The following PTPRG variants were observed in gnomAD, a reference collection of about 807,000 sequenced individuals.
The protein encoded by PTPRG is protein tyrosine phosphatase receptor type G, also known as receptor-type tyrosine-protein phosphatase gamma.
A neutral mutation model predicts 165.3 loss-of-function variants in PTPRG; 102 were observed. The observed-to-expected ratio is 0.62, with a 90% CI of 0.53 to 0.73. The LOEUF (loss-of-function observed/expected upper bound fraction) is 0.73. Among genes scored for constraint, PTPRG ranks in the 30% least tolerant of loss-of-function variants. The pLI, the probability that PTPRG is intolerant of heterozygous loss-of-function variation, is 0.00. For synonymous variants in PTPRG, 675 were observed against 669.5 expected (o/e 1.01, Z -0.13); for missense variants, 1,866 against 1,861.4 (o/e 1.00, Z -0.05).
intron 11 of PTPRG, 23 bp downstream of exon 11, chr3:62,201,577 C>T: frequency 6.2e-7 from 1 of 1,606,228 alleles, no homozygotes; most frequent in Non-Finnish European, 8.5e-7. Flanking sequence ...TGGGAAATTG[C>T]TTTGTCGTGG....
At chr3:61,919,941 G>C (rs990901934) in intron 2 of PTPRG, among the ~76,000 whole-genome samples, 3 of 152,124 alleles carry the variant, frequency 2.0e-5, no homozygotes, top group African/African-American at 7.2e-5. Context: ...AATCCTATTG[G>C]TTACCCAAGA....
In PTPRG at chr3:62,273,136, A is replaced by G. The variant is rs1309204398; in HGVS notation, c.3318+55A>G. ...CATTCTGGCAAATGCTGTAACTGAA[A>G]TTTGTTAAATGATAATGAAGAGACA... On this transcript the variant is annotated intron_variant, in intron 22 of 29. Coordinates refer to ENST00000474889, the MANE Select transcript of PTPRG (RefSeq NM_002841.4). This position sits in a 1 kb window ranked among gnomAD's most constrained non-coding sequence, Gnocchi z 4.1. The G allele has an allele frequency of 2.0e-6, 3 of 1,529,516 alleles. No individual in the cohort carries two copies. The African/African-American group carries it at 4.2e-5, about 21-fold the overall frequency. 94.7% of individuals were successfully genotyped at this position (1,529,516 alleles called of 1,614,324 possible).
At chr3:61,710,634 T>C (rs528716205) in intron 1 of PTPRG, among the ~76,000 whole-genome samples, 196 of 152,190 alleles carry the variant, frequency 1.3e-3, no homozygotes, top group Non-Finnish European at 2.3e-3. Context: ...TTAAAGCTCA[T>C]TAGCTATTGT....
intron 1 of PTPRG, 25 bp from the exon 2 acceptor site, chr3:61,748,853 C>T: frequency 6.3e-7 from 1 of 1,596,046 alleles, no homozygotes; most frequent in Non-Finnish European, 8.6e-7. Flanking sequence ...GCCTTTGTCT[C>T]ATTGTGGGTT....
chr3:62,293,377 C>A lies in PTPRG; in HGVS notation c.*70C>A. On this transcript the variant is annotated 3_prime_UTR_variant, in exon 30 of 30. Transcript: ENST00000474889. Reference sequence around the variant, plus strand: ...GAGAACTTTTTTGAGGCCTTTTTTGCCAGACTCTAGGTTATACAATAACCC... The same window carrying A: ...GAGAACTTTTTTGAGGCCTTTTTTGACAGACTCTAGGTTATACAATAACCC... 7.4e-7 allele frequency: 1 copy of A among 1,349,284 alleles called. No individual in the cohort carries two copies. Among genetic ancestry groups the A allele is most frequent in the Non-Finnish European group, 9.9e-7 (1 of 1,010,666 alleles). The allele number at this position is 1,349,284 out of a possible 1,614,324, so 83.6% of individuals were successfully genotyped here.
chr3:62,024,077 T>C (rs2041756171), intron 4 of PTPRG, among the ~76,000 whole-genome samples: 1 of 152,292 alleles, frequency 6.6e-6, no homozygotes, highest in African/African-American at 2.4e-5. Flanking sequence ...GTCTGTTTAG[T>C]GTAGTTTTCT....
chr3:61,958,953 CAG>C (rs1053682583), intron 2 of PTPRG, among the ~76,000 whole-genome samples: 5 of 152,294 alleles, frequency 3.3e-5, no homozygotes, highest in Admixed American at 1.3e-4. Flanking sequence ...AGCCAGGACT[CAG>C]TGGAGAGAGG....
Position 61,959,579 on chromosome 3 carries a change from T to C in PTPRG, c.191-30046T>C, listed in dbSNP as rs74524524. On this transcript the variant is annotated intron_variant, in intron 2 of 29. Coordinates refer to ENST00000474889, the MANE Select transcript of PTPRG (RefSeq NM_002841.4). Reference sequence around the variant, plus strand: ...TGCTGAGTGTCTTGGTTCCTAACACTAAGGGATGGGTTTGGAGGAGCAGAA... The same window carrying C: ...TGCTGAGTGTCTTGGTTCCTAACACCAAGGGATGGGTTTGGAGGAGCAGAA... Among the ~76,000 whole-genome samples, 171 of 152,304 alleles carry C rather than the reference T, an allele frequency of 1.1e-3. 5 individuals are homozygous for C. In the East Asian group the frequency reaches 0.028, roughly 25 times the overall value.
intron 1 of PTPRG, among the ~76,000 whole-genome samples, chr3:61,669,547 TAGAG>T (rs1702910557): frequency 6.6e-6 from 1 of 152,262 alleles, no homozygotes; most frequent in East Asian, 1.9e-4. Context: ...CCATTTCAGA[TAGAG>T]AGTTAATTGA....
chr3:62,100,097 G>A (rs1327382961), intron 5 of PTPRG, among the ~76,000 whole-genome samples: 2 of 152,078 alleles, frequency 1.3e-5, no homozygotes, highest in African/African-American at 4.8e-5. Flanking sequence ...TTTAGATGAG[G>A]AAACTGGAAT....
intron 2 of PTPRG, among the ~76,000 whole-genome samples, chr3:61,902,010 A>C (rs2038510879): frequency 6.6e-6 from 1 of 152,196 alleles, no homozygotes; most frequent in African/African-American, 2.4e-5. Context: ...GGTAATAAAG[A>C]GCATATTGGA....
At chr3:62,171,299 C>G (rs1705206919) in intron 8 of PTPRG, among the ~76,000 whole-genome samples, 1 of 152,138 alleles carries the variant, frequency 6.6e-6, no homozygotes, top group Non-Finnish European at 1.5e-5. Context: ...TCCTAGAGTA[C>G]ACATATTTTC....
In PTPRG at chr3:62,245,358, C is replaced by G. The variant is rs1701266548; in HGVS notation, c.2467+1460C>G. On this transcript the variant is annotated intron_variant, in intron 15 of 29. Coordinates refer to ENST00000474889, the MANE Select transcript of PTPRG (RefSeq NM_002841.4). The surrounding 1 kb of genome is among the most constrained non-coding windows in gnomAD (Gnocchi z 4.2). ...CAATAGCGTGCATATACTTTTTCCT[C>G]TTGCTTTACCTACAATATGTGTTGA... is the stretch of plus-strand genomic sequence containing the variant. 6.6e-6 allele frequency among the ~76,000 whole-genome samples: 1 copy of G among 152,174 alleles called. No individual in the cohort carries two copies. The highest frequency in any genetic ancestry group is 2.1e-4 in the South Asian group (1 of 4,828).
At chr3:61,571,173 A>G (rs2106772915) in intron 1 of PTPRG, among the ~76,000 whole-genome samples, 1 of 152,266 alleles carries the variant, frequency 6.6e-6, no homozygotes, top group East Asian at 1.9e-4. Flanking sequence ...TCATCCCTGG[A>G]AGTATGAACC....
intron 6 of PTPRG, among the ~76,000 whole-genome samples, chr3:62,150,012 T>C (rs1704270758): frequency 6.6e-6 from 1 of 152,218 alleles, no homozygotes; most frequent in South Asian, 2.1e-4. Flanking sequence ...TCTCCCCATG[T>C]AGCCATGTAG....
chr3:61,817,137 C>T (rs2035802490), intron 2 of PTPRG, among the ~76,000 whole-genome samples: 1 of 123,876 alleles, frequency 8.1e-6, no homozygotes, highest in African/African-American at 3.1e-5. Context: ...ACACATAATA[C>T]ATATATTACA....
At chr3:61,600,632 C>G (rs771224387) in intron 1 of PTPRG, among the ~76,000 whole-genome samples, 3 of 152,128 alleles carry the variant, frequency 2.0e-5, no homozygotes, top group Non-Finnish European at 2.9e-5. Flanking sequence ...CTTAATCTCT[C>G]AGGCTCAAGC....
intron 14 of PTPRG, among the ~76,000 whole-genome samples, chr3:62,238,723 G>C (rs531477602): frequency 6.6e-6 from 1 of 152,236 alleles, no homozygotes; most frequent in South Asian, 2.1e-4. Context: ...AAGCCAAAGA[G>C]CTATGCACTG....
chr3:62,151,597 CA>C (rs2106680202), intron 6 of PTPRG, among the ~76,000 whole-genome samples: 1 of 150,582 alleles, frequency 6.6e-6, no homozygotes, highest in South Asian at 2.1e-4. Context: ...ATACGAGATG[CA>C]TTTCTTTTCA....
Sources: gnomAD v4.1 joint callset for allele counts (sites outside exome capture counted in the v4.1 genomes callset) on GRCh38, gnomAD v4.1.1 for gene constraint, Gnocchi (gnomAD v3.1) non-coding constraint, MANE v1.5 for transcripts, NCBI Gene and HGNC (gene_info 2026-07-23, HGNC 2026-07-21) for gene names.